The following PRORP variants were observed in gnomAD, a reference collection of about 807,000 sequenced individuals.
PRORP encodes the protein mitochondrial ribonuclease P catalytic subunit.
A neutral mutation model predicts 59.4 loss-of-function variants in PRORP; 51 were observed. That is an observed-to-expected ratio of 0.86 (90% CI 0.69 to 1.08). The LOEUF (loss-of-function observed/expected upper bound fraction) is 1.08. PRORP is among the 50% of genes least tolerant of loss of function. The pLI is 0.00. For missense variants in PRORP, 646 were observed against 690.3 expected (o/e 0.94, Z 0.72); for synonymous variants, 231 against 245.6 (o/e 0.94, Z 0.55).
intron 5 of PRORP, among the ~76,000 whole-genome samples, chr14:35,229,445 T>G (rs2050016695): frequency 2.0e-5 from 3 of 152,198 alleles, no homozygotes; most frequent in African/African-American, 7.2e-5. Context: ...TTTAAATCTT[T>G]AATCCATCTT....
intron 5 of PRORP, among the ~76,000 whole-genome samples, chr14:35,187,034 C>A (rs2048759764): frequency 6.6e-6 from 1 of 152,120 alleles, no homozygotes; most frequent in South Asian, 2.1e-4. Flanking sequence ...TATGGATATG[C>A]CACATTTTAT....
chr14:35,168,628 CTAT>C (rs896207866), intron 4 of PRORP, among the ~76,000 whole-genome samples: 44 of 152,054 alleles, frequency 2.9e-4, no homozygotes, highest in African/African-American at 9.9e-4. Context: ...AAGCATAGGC[CTAT>C]TATTTTGTAA....
chr14:35,269,515 T>A (rs2051132295), intron 6 of PRORP, among the ~76,000 whole-genome samples: 1 of 152,212 alleles, frequency 6.6e-6, no homozygotes, highest in Admixed American at 6.5e-5. Flanking sequence ...CAAAGAAGCT[T>A]TTCAAACATA....
chr14:35,256,450 G>A (rs12100980), intron 5 of PRORP, among the ~76,000 whole-genome samples: 15,371 of 144,474 alleles, frequency 0.11, 1,294 homozygotes, highest in African/African-American at 0.22. Context: ...TCCTGCCTCA[G>A]CCTCCTGAGC....
intron 5 of PRORP, among the ~76,000 whole-genome samples, chr14:35,230,480 G>A (rs1303449789): frequency 6.6e-6 from 1 of 152,208 alleles, no homozygotes; most frequent in Non-Finnish European, 1.5e-5. Context: ...AACTCATTCA[G>A]GAATATGAAA....
chr14:35,254,460 T>G (rs1311498322), intron 5 of PRORP, among the ~76,000 whole-genome samples: 1 of 152,176 alleles, frequency 6.6e-6, no homozygotes, highest in Non-Finnish European at 1.5e-5. Flanking sequence ...TGACGCAATC[T>G]CAGCTCACCA....
intron 5 of PRORP, among the ~76,000 whole-genome samples, chr14:35,218,499 A>T (rs2049675553): frequency 7.3e-6 from 1 of 136,336 alleles, no homozygotes; most frequent in Non-Finnish European, 1.6e-5. Flanking sequence ...ACAACAAAAC[A>T]CAACAGAACA....
At chr14:35,126,378 G>T (rs1364258578) in intron 2 of PRORP, among the ~76,000 whole-genome samples, 2 of 152,180 alleles carry the variant, frequency 1.3e-5, no homozygotes, top group African/African-American at 4.8e-5. Flanking sequence ...AATAACAGTG[G>T]TGTGTAAGAG....
chr14:35,206,019 T>C (rs2049284183), intron 5 of PRORP, among the ~76,000 whole-genome samples: 2 of 152,198 alleles, frequency 1.3e-5, no homozygotes, highest in South Asian at 4.1e-4. Context: ...CAGGGTCTGT[T>C]ATTTGTTTTA....
chr14:35,154,528 C>T (rs2047862186), intron 4 of PRORP, among the ~76,000 whole-genome samples: 1 of 152,030 alleles, frequency 6.6e-6, no homozygotes, highest in South Asian at 2.1e-4. Context: ...GTGAAAATAT[C>T]AAACCTGAAT....
chr14:35,137,951 C>T lies in PRORP; in HGVS notation c.1167+10340C>T, dbSNP rs536862622. 2.4e-4 allele frequency among the ~76,000 whole-genome samples: 35 copies of T among 145,564 alleles called. 8 individuals carry two copies. Among genetic ancestry groups the T allele is most frequent in the Admixed American group, 1.4e-3 (20 of 13,986 alleles). On this transcript the variant is annotated intron_variant, in intron 4 of 7. Coordinates refer to ENST00000534898, the MANE Select transcript of PRORP (RefSeq NM_014672.4). The stretch of plus-strand genomic sequence containing the variant: ...TTTGGTTGGTTGGTTGTTTTTTTTC[C>T]TCACCATTTGTATTAATTTGCTAAA...
intron 5 of PRORP, among the ~76,000 whole-genome samples, chr14:35,203,279 A>G (rs377381169): frequency 6.6e-6 from 1 of 152,114 alleles, no homozygotes; most frequent in Admixed American, 6.6e-5. Context: ...CTTCAGCTCA[A>G]TTGTTTTTAT....
intron 6 of PRORP, 58 bp from the exon 7 acceptor site, chr14:35,270,343 C>A: frequency 6.6e-7 from 1 of 1,520,784 alleles, no homozygotes; most frequent in South Asian, 1.2e-5. Context: ...CGGTGAAAAA[C>A]ACTGTCCTCT....
In PRORP at chr14:35,260,125, C is replaced by T. The variant is rs374577119; in HGVS notation, c.1276-6602C>T. Among the ~76,000 whole-genome samples the T allele has an allele frequency of 1.1e-3, 165 of 151,438 alleles. 1 individual carries two copies. Among genetic ancestry groups the T allele is most frequent in the African/African-American group, 3.7e-3 (152 of 41,308 alleles). ...CTACTGGGCCCAAGGGATCCTCCCA[C>T]TTCAGCCTCCAGAGTAGCTGGGACC... On this transcript the variant is annotated intron_variant, in intron 5 of 7. Transcript: ENST00000534898.
At chr14:35,162,788 C>T (rs566977890) in intron 4 of PRORP, among the ~76,000 whole-genome samples, 40 of 152,180 alleles carry the variant, frequency 2.6e-4, no homozygotes, top group African/African-American at 9.6e-4. Context: ...CTAAATTTTT[C>T]ATCCATTTGG....
chr14:35,253,750 T>C (rs2050677178), intron 5 of PRORP, among the ~76,000 whole-genome samples: 1 of 152,114 alleles, frequency 6.6e-6, no homozygotes, highest in Non-Finnish European at 1.5e-5. Context: ...GCTCCCTCCT[T>C]CTTGAAATGC....
chr14:35,168,870 G>A (rs1056045036), intron 4 of PRORP, among the ~76,000 whole-genome samples: 2 of 151,860 alleles, frequency 1.3e-5, no homozygotes, highest in African/African-American at 2.4e-5. Context: ...CATAGTTTCG[G>A]CTTTTAAGTT....
chr14:35,257,899 T>C (rs749711563), intron 5 of PRORP, among the ~76,000 whole-genome samples: 10 of 152,130 alleles, frequency 6.6e-5, no homozygotes, highest in African/African-American at 1.4e-4. Context: ...CTTGCTCTCA[T>C]TGGCCTCTCT....
intron 5 of PRORP, among the ~76,000 whole-genome samples, chr14:35,210,481 GT>G (rs1486981260): frequency 6.6e-6 from 1 of 151,872 alleles, no homozygotes; most frequent in East Asian, 1.9e-4. Flanking sequence ...GTAGTTAGGA[GT>G]TTTATTCAGC....
Sources: gnomAD v4.1 joint callset for allele counts (sites outside exome capture counted in the v4.1 genomes callset) on GRCh38, gnomAD v4.1.1 for gene constraint, MANE v1.5 for transcripts, NCBI Gene and HGNC (gene_info 2026-07-23, HGNC 2026-07-21) for gene names.